SLC6A16: variants seen among roughly 807,000 people sequenced by gnomAD.
SLC6A16 encodes solute carrier family 6 member 16, also known as orphan sodium- and chloride-dependent neurotransmitter transporter NTT5.
Under a neutral mutation model 65.4 loss-of-function variants are expected in SLC6A16, and 54 were observed. That is an observed-to-expected ratio of 0.83 (90% CI 0.66 to 1.04). SLC6A16 has a LOEUF of 1.04. Ranked by LOEUF, SLC6A16 falls within the 50% of genes least tolerant of loss-of-function variation. The pLI is 0.00. For missense variants in SLC6A16, 816 were observed against 914.0 expected (o/e 0.89, Z 1.38); for synonymous variants, 330 against 346.5 (o/e 0.95, Z 0.53).
At chr19:49,336,856 G>A in the SLC6A16 span, 1 of 1,595,172 alleles carries the variant, frequency 6.3e-7, no homozygotes, top group Non-Finnish European at 8.5e-7. Flanking sequence ...GGGAAATGGG[G>A]CTGCCTGGAG....
In SLC6A16 at chr19:49,292,725, C is replaced by A. The variant is rs1380386885; in HGVS notation, c.1778+498G>T. Among the ~76,000 whole-genome samples the A allele has an allele frequency of 6.6e-6, 1 of 152,152 alleles. No individual in the cohort carries two copies. Among genetic ancestry groups the A allele is most frequent in the Non-Finnish European group, 1.5e-5 (1 of 68,036 alleles). ...TCTGGCCTTGGTAATTTCTGTTTCC[C>A]TGCAGGGAGCACTTTACTCAAAATC... is the stretch of plus-strand genomic sequence containing the variant. On this transcript the variant is annotated intron_variant, in intron 10 of 11. Coordinates refer to ENST00000335875, the MANE Select transcript of SLC6A16 (RefSeq NM_014037.3). This position sits in a 1 kb window ranked among gnomAD's most constrained non-coding sequence, Gnocchi z 4.3.
At chr19:49,313,402 T>G (rs1428326864) in intron 1 of SLC6A16, among the ~76,000 whole-genome samples, 1 of 152,096 alleles carries the variant, frequency 6.6e-6, no homozygotes, top group African/African-American at 2.4e-5. Context: ...TGTGCTCAAG[T>G]GAGTCTCCGG....
Position 49,308,859 on chromosome 19 carries a change from A to G in SLC6A16, c.1229+17T>C. 6.2e-7 allele frequency: 1 copy of G among 1,613,510 alleles called. No homozygotes were observed. Among genetic ancestry groups the G allele is most frequent in the African/African-American group, 1.3e-5 (1 of 75,010 alleles). ...GTTCCCTGGAGCTGAGACCCTTAAC[A>G]AAGGGGCCGGCCTTACCTCTCACAG... On this transcript the variant is annotated intron_variant, in intron 7 of 11. Coordinates refer to ENST00000335875, the MANE Select transcript of SLC6A16 (RefSeq NM_014037.3).
At chr19:49,338,697 C>G in the SLC6A16 span, 1 of 1,607,464 alleles carries the variant, frequency 6.2e-7, no homozygotes, top group Non-Finnish European at 8.5e-7. This position sits in a 1 kb window ranked among gnomAD's most constrained non-coding sequence, Gnocchi z 5.0. Flanking sequence ...ATCCCTCTCC[C>G]AGCTGCGCTG....
In SLC6A16 at chr19:49,290,116, A is replaced by C. The variant is rs745670869; in HGVS notation, c.*7T>G. 1.9e-6 allele frequency: 3 copies of C among 1,612,498 alleles called. No individual in the cohort carries two copies. The highest frequency in any genetic ancestry group is 2.5e-6 in the Non-Finnish European group (3 of 1,179,282). ...GGGATATGTTATGTGAAGCCAAATT[A>C]ATGAAGTTAGGAAGTCACATTACAA... On this transcript the variant is annotated 3_prime_UTR_variant, in exon 12 of 12. Transcript: ENST00000335875.
At chr19:49,335,900 C>A in the SLC6A16 span, 5 of 823,812 alleles carry the variant, frequency 6.1e-6, no homozygotes, top group Non-Finnish European at 8.1e-6. The surrounding 1 kb of genome is among the most constrained non-coding windows in gnomAD (Gnocchi z 4.6). Context: ...GCTACAGGCT[C>A]CCATCCACTG....
chr19:49,337,477 C>T, the SLC6A16 span: 1 of 608,042 alleles, frequency 1.6e-6, no homozygotes, highest in East Asian at 3.4e-5. Context: ...AAAAAAAAAT[C>T]CGGGTGTGAT....
At chr19:49,295,374 T>C (rs1164922613) in intron 7 of SLC6A16, among the ~76,000 whole-genome samples, 1 of 70,334 alleles carries the variant, frequency 1.4e-5, no homozygotes, top group African/African-American at 6.0e-5. Flanking sequence ...CGAGACTCCA[T>C]TTCAAAAAAA....
intron 7 of SLC6A16, among the ~76,000 whole-genome samples, chr19:49,308,175 G>A (rs375491): frequency 0.71 from 107,026 of 151,660 alleles, 38,032 homozygotes; most frequent in East Asian, 0.83. Flanking sequence ...GGGGGCCTTA[G>A]GGCGCGGTGG....
Position 49,310,933 on chromosome 19 carries a change from A to G in SLC6A16, c.415T>C (p.Cys139Arg). The G allele has an allele frequency of 6.2e-7, 1 of 1,609,662 alleles. No individual in the cohort carries two copies. Among genetic ancestry groups the G allele is most frequent in the African/African-American group, 1.3e-5 (1 of 74,898 alleles). ...CAGGTTTCCTGGTCCCCAGACTTAC[A>G]GCCTCCACTGTTAAGCCACAGGTAG... ...FAYLWLNSGGCSFAAIYIFML... is the reference protein window; with the variant it reads ...FAYLWLNSGGRSFAAIYIFML... The change falls in exon 2 of 12, where the codon TGC becomes CGC. Residue 139 changes from cysteine (C) to arginine (R), a missense_variant and splice_region_variant. Coordinates refer to ENST00000335875, the MANE Select transcript of SLC6A16 (RefSeq NM_014037.3).
intron 7 of SLC6A16, among the ~76,000 whole-genome samples, chr19:49,305,566 T>C (rs1271631534): frequency 1.5e-5 from 2 of 131,870 alleles, no homozygotes; most frequent in Non-Finnish European, 3.2e-5. Context: ...CGCTCCAGCC[T>C]GGGTGACAAA....
the SLC6A16 span, chr19:49,338,967 G>A: frequency 5.2e-6 from 8 of 1,535,368 alleles, no homozygotes; most frequent in African/African-American, 4.1e-5. The surrounding 1 kb of genome is among the most constrained non-coding windows in gnomAD (Gnocchi z 5.0). Context: ...TAAACCTGTC[G>A]AATGGGGCGG....
In SLC6A16 at chr19:49,319,834, C is replaced by T. The variant is rs1970680249; in HGVS notation, c.-65+5214G>A. 2.0e-5 allele frequency among the ~76,000 whole-genome samples: 3 copies of T among 152,082 alleles called. No homozygotes were observed. The South Asian group carries it at 6.2e-4, about 31-fold the overall frequency. On this transcript the variant is annotated intron_variant, in intron 1 of 11. Coordinates refer to ENST00000335875, the MANE Select transcript of SLC6A16 (RefSeq NM_014037.3). ...TGTAGGCCACAAATTTCCTTTTTTT[C>T]TCAATAGAATTAGAATGATAAATAT...
At chr19:49,312,612 GAAA>G in intron 1 of SLC6A16, 1 of 736,440 alleles carries the variant, frequency 1.4e-6, no homozygotes, top group Non-Finnish European at 1.7e-6. Context: ...GGAGTGTGCT[GAAA>G]AAAAAAAAGT....
intron 7 of SLC6A16, among the ~76,000 whole-genome samples, chr19:49,307,367 G>A (rs1970411026): frequency 6.6e-6 from 1 of 151,806 alleles, no homozygotes; most frequent in Non-Finnish European, 1.5e-5. Context: ...GGAGGGCAAT[G>A]CATTACGCCA....
intron 1 of SLC6A16, among the ~76,000 whole-genome samples, chr19:49,321,751 A>AACAC (rs1970714671): frequency 6.6e-6 from 1 of 151,474 alleles, no homozygotes; most frequent in Non-Finnish European, 1.5e-5. Context: ...CAAACAAACA[A>AACAC]ACAAACAAAC....
chr19:49,303,801 T>C (rs1382257630), intron 7 of SLC6A16, among the ~76,000 whole-genome samples: 4 of 152,244 alleles, frequency 2.6e-5, no homozygotes, highest in Admixed American at 2.0e-4. Flanking sequence ...TACTTTATAT[T>C]TGCCCTTTTT....
chr19:49,309,888 C>A, intron 4 of SLC6A16, 62 bp from the exon 5 acceptor site: 1 of 1,561,032 alleles, frequency 6.4e-7, no homozygotes, highest in South Asian at 1.2e-5. Flanking sequence ...TTCCTTATCC[C>A]CTCCCCCACC....
At chr19:49,333,159 C>A in the SLC6A16 span, among the ~76,000 whole-genome samples, 1 of 151,356 alleles carries the variant, frequency 6.6e-6, no homozygotes, top group Non-Finnish European at 1.5e-5. Context: ...GAGACTCCAT[C>A]TCAAAACAAA....
Sources: allele counts gnomAD v4.1 joint callset (sites outside exome capture counted in the v4.1 genomes callset), GRCh38; gene constraint gnomAD v4.1.1; non-coding constraint Gnocchi (gnomAD v3.1); transcripts MANE v1.5; gene names NCBI Gene and HGNC (gene_info 2026-07-23, HGNC 2026-07-21).